ARHGAP21: variants seen among roughly 807,000 people sequenced by gnomAD.
ARHGAP21 encodes Rho GTPase activating protein 21, also known as rho GTPase-activating protein 21.
Under a neutral mutation model 164.6 loss-of-function variants are expected in ARHGAP21, and 38 were observed. The observed-to-expected ratio is 0.23, with a 90% CI of 0.18 to 0.30. The LOEUF is 0.30. ARHGAP21 is among the 10% of genes least tolerant of loss of function. The pLI, the probability that ARHGAP21 is intolerant of heterozygous loss-of-function variation, is 1.00. For missense variants in ARHGAP21, 1,822 were observed against 2,370.7 expected, an observed-to-expected ratio of 0.77 and a Z score of 4.81; for synonymous variants, 766 against 857.9, an observed-to-expected ratio of 0.89 and a Z score of 1.87.
chr10:24,716,606 T>C (rs1038146143), intron 2 of ARHGAP21, among the ~76,000 whole-genome samples: 6 of 152,254 alleles, frequency 3.9e-5, no homozygotes, highest in African/African-American at 1.4e-4. Context: ...TGCAGGTCAC[T>C]GCAAGAACTT....
intron 12 of ARHGAP21, 27 bp downstream of exon 12, chr10:24,604,285 G>T: frequency 1.3e-6 from 2 of 1,515,622 alleles, no homozygotes; most frequent in East Asian, 2.3e-5. Context: ...GATAAACTAA[G>T]GTAAGTAGAA....
chr10:24,635,162 A>C, intron 4 of ARHGAP21, 59 bp from the exon 5 acceptor site: 1 of 1,058,748 alleles, frequency 9.4e-7, no homozygotes, highest in Non-Finnish European at 1.3e-6. Context: ...AAAATACCTA[A>C]ATATAAAATA....
Position 24,585,649 on chromosome 10 carries a change from C to T in ARHGAP21, c.4640G>A (p.Gly1547Asp). Reference protein sequence around the residue: ...SHLEETGSDSGTLLSTSSQAS... With the variant: ...SHLEETGSDSDTLLSTSSQAS... ...CTGGGAAGACGTGCTGAGCAAAGTGCCAGAGTCAGAGCCTGTCTCTTCAAG... is the reference window on the plus strand; with the variant it reads ...CTGGGAAGACGTGCTGAGCAAAGTGTCAGAGTCAGAGCCTGTCTCTTCAAG... Residue 1547 changes from glycine to aspartate, a missense_variant, in exon 26 of 26, where the codon GGC becomes GAC. Physicochemically the swap from Gly to Asp is moderately conservative, Grantham distance 94 (BLOSUM62 -1). Transcript: ENST00000396432. 2 of 1,614,128 alleles carry T rather than the reference C, an allele frequency of 1.2e-6. No homozygotes were observed. Among genetic ancestry groups the T allele is most frequent in the Non-Finnish European group, 8.5e-7 (1 of 1,180,028 alleles).
At chr10:24,700,035 G>T (rs1018812546) in intron 2 of ARHGAP21, among the ~76,000 whole-genome samples, 1 of 152,144 alleles carries the variant, frequency 6.6e-6, no homozygotes, top group Non-Finnish European at 1.5e-5. Context: ...CAATTCTGAA[G>T]CTTAGGTCAA....
intron 2 of ARHGAP21, among the ~76,000 whole-genome samples, chr10:24,704,069 C>T (rs528860418): frequency 3.5e-4 from 53 of 152,192 alleles, no homozygotes; most frequent in Admixed American, 1.0e-3. Flanking sequence ...AACATGACAA[C>T]AATCTCCTAA....
intron 19 of ARHGAP21, 36 bp downstream of exon 19, chr10:24,595,681 C>G: frequency 1.3e-6 from 2 of 1,571,894 alleles, no homozygotes; most frequent in South Asian, 1.1e-5. Flanking sequence ...TAACTTGAAC[C>G]ATTTCATCTG....
chr10:24,710,814 T>C (rs541372802), intron 2 of ARHGAP21, among the ~76,000 whole-genome samples: 1 of 152,130 alleles, frequency 6.6e-6, no homozygotes, highest in East Asian at 1.9e-4. Flanking sequence ...AGTAAGAAAG[T>C]AGCTGGTGCG....
At chr10:24,664,998 A>G in intron 4 of ARHGAP21, among the ~76,000 whole-genome samples, 1 of 152,164 alleles carries the variant, frequency 6.6e-6, no homozygotes, top group East Asian at 1.9e-4. Context: ...TTAGAAATAT[A>G]TTCCCCCCCA....
chr10:24,661,363 T>C (rs1415094727), intron 4 of ARHGAP21, among the ~76,000 whole-genome samples: 4 of 151,870 alleles, frequency 2.6e-5, no homozygotes, highest in Admixed American at 1.3e-4. Context: ...ATAAAGGATA[T>C]GAGAAACAAA....
At chr10:24,596,245 AAGAAAGAG>A in intron 17 of ARHGAP21, 1 of 258,744 alleles carries the variant, frequency 3.9e-6, no homozygotes, top group Non-Finnish European at 6.9e-6. Context: ...AAGAGACTGA[AAGAAAGAG>A]AGGGACCCCC....
intron 17 of ARHGAP21, chr10:24,596,486 C>A (rs1201908860): frequency 9.1e-6 from 5 of 551,888 alleles, no homozygotes; most frequent in Non-Finnish European, 1.2e-5. Flanking sequence ...AAAGCAGAAA[C>A]ACACGATTTG....
rs1482173406 is a variant in ARHGAP21, at chr10:24,619,702, A to G, written c.2193T>C (p.Asn731=). The part of the protein sequence containing the change: ...AETEQSDTLD[N]KEAVILREKP... ...TTTCCCTTAGGATGACAGCTTCTTT[A>G]TTATCTAAAGTATCTGATTGCTCAG... The change falls in exon 9 of 26, where the codon AAT becomes AAC. Residue 731 remains asparagine, a synonymous_variant. Coordinates refer to ENST00000396432, the MANE Select transcript of ARHGAP21 (RefSeq NM_020824.4). 2.5e-6 allele frequency: 4 copies of G among 1,613,992 alleles called. No homozygotes were observed. Among genetic ancestry groups the G allele is most frequent in the African/African-American group, 1.3e-5 (1 of 74,894 alleles).
chr10:24,629,958 A>T, intron 7 of ARHGAP21, 38 bp downstream of exon 7: 1 of 1,373,376 alleles, frequency 7.3e-7, no homozygotes, highest in Non-Finnish European at 1.0e-6. Flanking sequence ...AACATTCATG[A>T]CTGTAAAACA....
intron 4 of ARHGAP21, 54 bp downstream of exon 4, chr10:24,666,931 G>T: frequency 7.7e-7 from 1 of 1,302,252 alleles, no homozygotes; most frequent in South Asian, 1.3e-5. Flanking sequence ...TTAAAGAACA[G>T]AAAGAAATGG....
At chr10:24,591,450 A>T in intron 23 of ARHGAP21, 120 bp from the exon 24 acceptor site, 1 of 1,111,478 alleles carries the variant, frequency 9.0e-7, no homozygotes, top group Non-Finnish European at 1.3e-6. Flanking sequence ...ATGTGTTTAC[A>T]TTGTTTACGC....
rs76684070 is a variant in ARHGAP21 at position 24,681,931 on chromosome 10, G to A, written c.64-11534C>T. Reference sequence around the variant, plus strand: ...GACATGCACTCTGACTAGACTGCCCGGGTCTGGATTCTTGATTTGTTAAGT... The same window carrying A: ...GACATGCACTCTGACTAGACTGCCCAGGTCTGGATTCTTGATTTGTTAAGT... On this transcript the variant is annotated intron_variant, in intron 2 of 25. Transcript: ENST00000396432. Among the ~76,000 whole-genome samples the A allele has an allele frequency of 5.8e-3, 887 of 152,138 alleles. 6 individuals carry two copies. The highest frequency in any genetic ancestry group is 9.0e-3 in the Non-Finnish European group (615 of 68,000).
At chr10:24,656,327 C>G (rs1426129850) in intron 4 of ARHGAP21, among the ~76,000 whole-genome samples, 391 of 91,460 alleles carry the variant, frequency 4.3e-3, no homozygotes, top group Non-Finnish European at 4.7e-3. Context: ...GCCACCCCGT[C>G]CGGGAGGGAG....
rs10530408 is a variant in ARHGAP21, at chr10:24,622,433, C to CATAT, written c.525+296_525+299dup. 7.4e-3 allele frequency among the ~76,000 whole-genome samples: 658 copies of CATAT among 89,372 alleles called. 6 individuals are homozygous for CATAT. Among genetic ancestry groups the CATAT allele is most frequent in the Non-Finnish European group, 0.011 (489 of 44,650 alleles). The allele number at this position is 89,372 out of a possible 152,430, so 58.6% of individuals were successfully genotyped here. On this transcript the variant is annotated intron_variant, in intron 8 of 25. Transcript: ENST00000396432. ...GGAAGAGGGTGAGATACTTAAAAAACATATATATATATATATATATATATA... is the reference window on the plus strand; with the variant it reads ...GGAAGAGGGTGAGATACTTAAAAAACATATATATATATATATATATATATATATA...
At chr10:24,605,287 A>T (rs2076975168) in intron 11 of ARHGAP21, among the ~76,000 whole-genome samples, 1 of 152,232 alleles carries the variant, frequency 6.6e-6, no homozygotes, top group South Asian at 2.1e-4. Context: ...TGTTTGGAAC[A>T]ATGGAAAATA....
Sources: allele counts gnomAD v4.1 joint callset (sites outside exome capture counted in the v4.1 genomes callset), GRCh38; gene constraint gnomAD v4.1.1; transcripts MANE v1.5; gene names NCBI Gene and HGNC (gene_info 2026-07-23, HGNC 2026-07-21).